Variants in GRID2 observed in about 807,000 individuals in gnomAD.
GRID2 encodes glutamate ionotropic receptor delta type subunit 2.
GRID2 carries 33 observed loss-of-function variants against 114.8 expected under a neutral mutation model. The ratio of observed to expected loss-of-function variants is 0.29; its 90% CI spans 0.22 to 0.38. The LOEUF is 0.38. GRID2 is among the 10% of genes least tolerant of loss of function. The pLI, the probability that GRID2 is intolerant of heterozygous loss-of-function variation, is 1.00. For missense variants in GRID2, 1,184 were observed against 1,257.7 expected, an observed-to-expected ratio of 0.94 and a Z score of 0.89; for synonymous variants, 505 against 449.9, an observed-to-expected ratio of 1.12 and a Z score of -1.55.
intron 8 of GRID2, among the ~76,000 whole-genome samples, chr4:93,355,802 C>T (rs535924526): frequency 1.3e-5 from 2 of 152,192 alleles, no homozygotes; most frequent in East Asian, 1.9e-4. Context: ...ACACATTTTA[C>T]TTCAACTCAC....
chr4:93,262,332 G>A (rs1200383558), intron 8 of GRID2, among the ~76,000 whole-genome samples: 2 of 151,852 alleles, frequency 1.3e-5, no homozygotes, highest in African/African-American at 4.8e-5. Flanking sequence ...TAAACCAAAT[G>A]CAAATAAGCC....
intron 8 of GRID2, among the ~76,000 whole-genome samples, chr4:93,382,344 T>C (rs114355000): frequency 0.012 from 1,884 of 152,212 alleles, 44 homozygotes; most frequent in African/African-American, 0.043. Context: ...CTCTGTCTTC[T>C]TATGGACTCC....
chr4:93,580,007 G>A (rs1285931616), intron 13 of GRID2, among the ~76,000 whole-genome samples: 2 of 152,214 alleles, frequency 1.3e-5, no homozygotes, highest in East Asian at 3.8e-4. Context: ...TTATTTTGAA[G>A]AATGGACTGA....
chr4:92,495,300 C>T (rs1723333093), intron 1 of GRID2, among the ~76,000 whole-genome samples: 1 of 151,934 alleles, frequency 6.6e-6, no homozygotes, highest in Non-Finnish European at 1.5e-5. Flanking sequence ...TGAGAAGAAA[C>T]TATTTCCTAG....
chr4:92,902,212 T>A (rs1747631808), intron 2 of GRID2, among the ~76,000 whole-genome samples: 1 of 152,066 alleles, frequency 6.6e-6, no homozygotes, highest in African/African-American at 2.4e-5. Context: ...TTCCTCTAAG[T>A]TTTTTAGTTT....
chr4:93,485,198 A>G (rs1318243675), intron 11 of GRID2, among the ~76,000 whole-genome samples: 1 of 151,518 alleles, frequency 6.6e-6, no homozygotes, highest in Non-Finnish European at 1.5e-5. Flanking sequence ...TTTATTGGCC[A>G]TTGGTTATCT....
intron 2 of GRID2, among the ~76,000 whole-genome samples, chr4:92,803,430 G>A (rs976006812): frequency 4.6e-5 from 7 of 151,810 alleles, no homozygotes; most frequent in Admixed American, 1.3e-4. Flanking sequence ...TAACAAAGAC[G>A]GGAAAGAAAA....
intron 1 of GRID2, among the ~76,000 whole-genome samples, chr4:92,391,300 A>T (rs1293792879): frequency 1.3e-5 from 2 of 152,098 alleles, no homozygotes; most frequent in South Asian, 2.1e-4. Context: ...AAGCTGTCTG[A>T]TCTTGAACAA....
chr4:93,650,387 T>A (rs60954238), intron 14 of GRID2, among the ~76,000 whole-genome samples: 18,662 of 151,942 alleles, frequency 0.12, 1,213 homozygotes, highest in Middle Eastern at 0.14. Context: ...GATTTTTTTT[T>A]AAAATACCTC....
chr4:92,905,376 A>T (rs970764819), intron 2 of GRID2, among the ~76,000 whole-genome samples: 8 of 151,836 alleles, frequency 5.3e-5, no homozygotes, highest in African/African-American at 1.4e-4. Context: ...TTTATAAAAT[A>T]TAATAACGTT....
chr4:93,694,591 C>T (rs952586229), intron 14 of GRID2, among the ~76,000 whole-genome samples: 2 of 152,114 alleles, frequency 1.3e-5, no homozygotes, highest in Admixed American at 1.3e-4. Flanking sequence ...AACATCTTGC[C>T]ACGCCTCCCA....
rs188691702 is a variant in GRID2 at position 92,335,740 on chromosome 4, G to T, written c.88+30996G>T. On this transcript the variant is annotated intron_variant, in intron 1 of 15. Coordinates refer to ENST00000282020, the MANE Select transcript of GRID2 (RefSeq NM_001510.4). ...AAAATAATGAGTTACTCAGAGAGAT[G>T]GTTGAATGACTAGACTTGAATGGTA... Among the ~76,000 whole-genome samples, 239 of 152,288 alleles carry T rather than the reference G, an allele frequency of 1.6e-3. 2 individuals carry two copies. The highest frequency in any genetic ancestry group is 6.8e-3 in the Middle Eastern group (2 of 294).
At chr4:92,344,798 T>C (rs1415118424) in intron 1 of GRID2, among the ~76,000 whole-genome samples, 1 of 152,192 alleles carries the variant, frequency 6.6e-6, no homozygotes, top group Non-Finnish European at 1.5e-5. Flanking sequence ...TGAAGTCACA[T>C]AGCCTTCCTT....
intron 5 of GRID2, among the ~76,000 whole-genome samples, chr4:93,208,044 A>G (rs937034216): frequency 2.0e-5 from 3 of 151,962 alleles, no homozygotes; most frequent in Non-Finnish European, 4.4e-5. Context: ...TTCCATTAGG[A>G]CCTGCCAGTC....
chr4:92,865,220 C>A (rs1744778950), intron 2 of GRID2, among the ~76,000 whole-genome samples: 1 of 152,138 alleles, frequency 6.6e-6, no homozygotes. Context: ...CCTTTACTGT[C>A]ATAATATTTA....
chr4:93,468,993 A>G (rs868501103), intron 11 of GRID2, among the ~76,000 whole-genome samples: 41 of 152,076 alleles, frequency 2.7e-4, no homozygotes, highest in African/African-American at 9.4e-4. Context: ...AAAAACTTTA[A>G]CTCCAAGATC....
chr4:93,253,180 C>T (rs929801329), intron 8 of GRID2, among the ~76,000 whole-genome samples: 4 of 151,658 alleles, frequency 2.6e-5, no homozygotes, highest in Admixed American at 6.6e-5. Context: ...GGCGTGAACC[C>T]GGGAGGTGGA....
chr4:92,422,266 G>C (rs1268641635), intron 1 of GRID2, among the ~76,000 whole-genome samples: 1 of 152,046 alleles, frequency 6.6e-6, no homozygotes, highest in Non-Finnish European at 1.5e-5. Context: ...GAGTGAAATG[G>C]AGAGTTCTAG....
intron 2 of GRID2, among the ~76,000 whole-genome samples, chr4:92,611,018 C>CTG (rs34268472): frequency 0.31 from 45,826 of 146,454 alleles, 6,872 homozygotes; most frequent in East Asian, 0.38. Context: ...ATTGAATAGT[C>CTG]TGTGTGTGTG....
Sources: allele counts gnomAD v4.1 joint callset (sites outside exome capture counted in the v4.1 genomes callset), GRCh38; gene constraint gnomAD v4.1.1; transcripts MANE v1.5; gene names NCBI Gene and HGNC (gene_info 2026-07-23, HGNC 2026-07-21).